The following FAM117B variants were observed in gnomAD, a reference collection of about 807,000 sequenced individuals.
FAM117B encodes protein FAM117B.
In FAM117B, 22 loss-of-function variants were observed where a neutral mutation model predicts 52.8. That is an observed-to-expected ratio of 0.42 (90% CI 0.30 to 0.59). The LOEUF (loss-of-function observed/expected upper bound fraction) is 0.59, where lower values mean the gene tolerates loss of function less well. Among genes scored for constraint, FAM117B ranks in the 20% least tolerant of loss-of-function variants. The probability of loss-of-function intolerance (pLI) is 0.22; values close to 1 mark genes in which losing one functional copy is unlikely to be tolerated. For synonymous variants in FAM117B, 309 were observed against 324.1 expected, an observed-to-expected ratio of 0.95 and a Z score of 0.50; for missense variants, 678 against 802.6, an observed-to-expected ratio of 0.84 and a Z score of 1.88.
intron 2 of FAM117B, among the ~76,000 whole-genome samples, chr2:202,723,248 T>C (rs1035351496): frequency 1.3e-5 from 2 of 152,240 alleles, no homozygotes; most frequent in African/African-American, 4.8e-5. Flanking sequence ...TTGAAAACTT[T>C]TCCTTCCCCA....
At chr2:202,676,619 C>T (rs1054420096) in intron 1 of FAM117B, among the ~76,000 whole-genome samples, 1 of 152,138 alleles carries the variant, frequency 6.6e-6, no homozygotes, top group Non-Finnish European at 1.5e-5. Flanking sequence ...ACCTCGTGAT[C>T]TGCCTGCCTC....
At chr2:202,713,384 C>T (rs1690986874) in intron 2 of FAM117B, among the ~76,000 whole-genome samples, 1 of 152,048 alleles carries the variant, frequency 6.6e-6, no homozygotes, top group Non-Finnish European at 1.5e-5. Flanking sequence ...ATCTACTTTT[C>T]CCTCTCTGAT....
chr2:202,703,255 T>C (rs1690822026), intron 2 of FAM117B, among the ~76,000 whole-genome samples: 1 of 152,256 alleles, frequency 6.6e-6, no homozygotes, highest in South Asian at 2.1e-4. Context: ...GCCCATTTCA[T>C]GTAAGTGGAA....
chr2:202,722,122 T>C (rs1377139904), intron 2 of FAM117B, among the ~76,000 whole-genome samples: 1 of 150,508 alleles, frequency 6.6e-6, no homozygotes. Flanking sequence ...GCGATTCTCC[T>C]GCCTCAGCCT....
intron 4 of FAM117B, among the ~76,000 whole-genome samples, chr2:202,729,511 G>C (rs928266634): frequency 7.2e-5 from 11 of 152,114 alleles, no homozygotes; most frequent in African/African-American, 2.7e-4. Context: ...GCCTGTGACC[G>C]TAGTACTCAT....
At chr2:202,690,598 GA>G (rs1183694965) in intron 1 of FAM117B, among the ~76,000 whole-genome samples, 2 of 152,132 alleles carry the variant, frequency 1.3e-5, no homozygotes, top group Non-Finnish European at 2.9e-5. Flanking sequence ...GGTTAAGCAT[GA>G]ATTAGCCACA....
intron 4 of FAM117B, among the ~76,000 whole-genome samples, chr2:202,749,735 C>T (rs1691692899): frequency 6.6e-6 from 1 of 151,828 alleles, no homozygotes; most frequent in South Asian, 2.1e-4. Context: ...TTGAGACCAG[C>T]CCGGGCAACA....
At chr2:202,696,358 T>C (rs867425425) in intron 2 of FAM117B, among the ~76,000 whole-genome samples, 1 of 152,130 alleles carries the variant, frequency 6.6e-6, no homozygotes, top group Non-Finnish European at 1.5e-5. Context: ...CTGGGCCACA[T>C]TGGAAGACGA....
rs576904762 is a variant in FAM117B at position 202,725,271 on chromosome 2, G to T, written c.846+262G>T. The T allele has an allele frequency of 7.5e-5, 17 of 226,116 alleles. No individual in the cohort carries two copies. In the South Asian group the frequency reaches 8.1e-4, roughly 11 times the overall value. 14.0% of individuals were successfully genotyped at this position (226,116 alleles called of 1,614,324 possible). A position where few individuals can be genotyped will look rare whatever the true frequency, so the allele number is the denominator to read the frequency against. The stretch of plus-strand genomic sequence containing the variant: ...TCTATTAACATCAGATTTAAAAATT[G>T]TAACAATACAACAAATTCACATTTA... On this transcript the variant is annotated intron_variant, in intron 3 of 7. Transcript: ENST00000392238.
At chr2:202,712,880 G>C (rs1054252116) in intron 2 of FAM117B, among the ~76,000 whole-genome samples, 3 of 152,072 alleles carry the variant, frequency 2.0e-5, no homozygotes, top group African/African-American at 7.2e-5. Context: ...TTGCATCCCT[G>C]GGATAAATTC....
intron 1 of FAM117B, among the ~76,000 whole-genome samples, chr2:202,658,021 TTTACA>T (rs771709338): frequency 4.9e-4 from 74 of 152,304 alleles, no homozygotes; most frequent in South Asian, 6.2e-4. Context: ...CTTTAGCCTC[TTTACA>T]TTACAGTGAT....
At position 202,715,762 on chromosome 2, in the gene FAM117B, A is replaced by G. The variant is rs1467498674; in HGVS notation, c.754-9155A>G. 3.3e-5 allele frequency among the ~76,000 whole-genome samples: 5 copies of G among 152,222 alleles called. No homozygotes were observed. The East Asian group carries it at 9.6e-4, about 29-fold the overall frequency. Reference sequence around the variant, plus strand: ...GAGGTGGAGGTTGTAGCAAGCCGAGATCAGGCCACCGCACTCCAGCCTGGG... The same window carrying G: ...GAGGTGGAGGTTGTAGCAAGCCGAGGTCAGGCCACCGCACTCCAGCCTGGG... On this transcript the variant is annotated intron_variant, in intron 2 of 7. Transcript: ENST00000392238.
chr2:202,754,507 CAAT>C (rs1167702577), intron 4 of FAM117B, among the ~76,000 whole-genome samples: 1 of 151,836 alleles, frequency 6.6e-6, no homozygotes, highest in Non-Finnish European at 1.5e-5. Flanking sequence ...GAAACAAAAA[CAAT>C]AATAAACCCC....
intron 2 of FAM117B, among the ~76,000 whole-genome samples, chr2:202,716,512 T>G (rs981284673): frequency 1.2e-4 from 18 of 152,164 alleles, no homozygotes; most frequent in African/African-American, 4.3e-4. Flanking sequence ...TGGTATGATT[T>G]ATTTTCTTGC....
intron 2 of FAM117B, among the ~76,000 whole-genome samples, chr2:202,705,006 G>A (rs1356382448): frequency 1.3e-5 from 2 of 151,908 alleles, no homozygotes; most frequent in Non-Finnish European, 2.9e-5. Context: ...GAGAAATGCA[G>A]CATTTAAAAA....
chr2:202,762,904 T>G (rs140412446), intron 7 of FAM117B, among the ~76,000 whole-genome samples: 1 of 152,126 alleles, frequency 6.6e-6, no homozygotes, highest in Non-Finnish European at 1.5e-5. Flanking sequence ...GTGAGGTATA[T>G]CGTAAGTCTG....
intron 1 of FAM117B, among the ~76,000 whole-genome samples, chr2:202,667,454 CTG>C (rs201563828): frequency 0.012 from 1,787 of 151,550 alleles, 19 homozygotes; most frequent in Non-Finnish European, 0.018. Context: ...GTATGTGTGT[CTG>C]TGTGTCTGTG....
intron 4 of FAM117B, among the ~76,000 whole-genome samples, chr2:202,732,687 G>A (rs542117757): frequency 7.2e-5 from 11 of 152,128 alleles, no homozygotes; most frequent in East Asian, 1.9e-4. Context: ...TGGGCATGGC[G>A]GCACGTGCCT....
chr2:202,663,560 G>A (rs534537070), intron 1 of FAM117B, among the ~76,000 whole-genome samples: 4 of 147,698 alleles, frequency 2.7e-5, no homozygotes, highest in South Asian at 4.2e-4. Flanking sequence ...ATTCACATTC[G>A]ATATTCAGTC....
Sources: allele counts gnomAD v4.1 joint callset (sites outside exome capture counted in the v4.1 genomes callset), GRCh38; gene constraint gnomAD v4.1.1; transcripts MANE v1.5; gene names NCBI Gene and HGNC (gene_info 2026-07-23, HGNC 2026-07-21).